TNK2: variants seen among roughly 807,000 people sequenced by gnomAD.
TNK2 encodes the protein activated CDC42 kinase 1.
Under a neutral mutation model 101.8 loss-of-function variants are expected in TNK2, and 83 were observed. The ratio of observed to expected loss-of-function variants is 0.82; its 90% CI spans 0.68 to 0.98. The LOEUF is 0.98. Among genes scored for constraint, TNK2 ranks in the 50% least tolerant of loss-of-function variants. TNK2 has a pLI of 0.00. For synonymous variants in TNK2, 804 were observed against 633.0 expected, an observed-to-expected ratio of 1.27 and a Z score of -4.06; for missense variants, 1,665 against 1,483.2, an observed-to-expected ratio of 1.12 and a Z score of -2.01.
Position 195,867,746 on chromosome 3 carries a change from G to A in TNK2, c.2552C>T (p.Pro851Leu). The A allele has an allele frequency of 6.3e-7, 1 of 1,599,052 alleles. No individual in the cohort carries two copies. Among genetic ancestry groups the A allele is most frequent in the Non-Finnish European group, 8.5e-7 (1 of 1,173,860 alleles). ...GATGCAGGGACCAGCCCGCGGGCCAGGGGCCTGGATCACCTGGGGGGTGGC... is the reference window on the plus strand; with the variant it reads ...GATGCAGGGACCAGCCCGCGGGCCAAGGGCCTGGATCACCTGGGGGGTGGC... ...KYATPQVIQA[P>L]GPRAGPCILP... The change falls in exon 13 of 16, where the codon CCT becomes CTT. Residue 851 changes from proline (P) to leucine (L), a missense_variant. This residue lies in a region of TNK2 where 1,136 missense variants were observed against 894.9 expected (regional missense o/e 1.27). Coordinates refer to ENST00000672887, the MANE Select transcript of TNK2 (RefSeq NM_001382273.1).
chr3:195,902,269 GGTGA>G (rs1462915468), intron 1 of TNK2, among the ~76,000 whole-genome samples: 2 of 152,174 alleles, frequency 1.3e-5, no homozygotes, highest in East Asian at 3.9e-4. Flanking sequence ...TGGAAGAAGA[GGTGA>G]GTGTCAGAAG....
rs573319516 is a variant in TNK2, at chr3:195,880,208, A to AC, written c.888-1034dup. On this transcript the variant is annotated intron_variant, in intron 6 of 15. Coordinates refer to ENST00000672887, the MANE Select transcript of TNK2 (RefSeq NM_001382273.1). Reference sequence around the variant, plus strand: ...CACAGGGGCCAGGGCAGGGCCAAGTACCACCCCTAGTGCACAGGTAAGCAG... The same window carrying AC: ...CACAGGGGCCAGGGCAGGGCCAAGTACCCACCCCTAGTGCACAGGTAAGCAG... Among the ~76,000 whole-genome samples the AC allele has an allele frequency of 8.5e-4, 129 of 152,172 alleles. 1 individual carries two copies. The highest frequency in any genetic ancestry group is 1.7e-3 in the South Asian group (8 of 4,830).
chr3:195,876,646 G>A (rs1749473243), intron 9 of TNK2: 1 of 455,882 alleles, frequency 2.2e-6, no homozygotes, highest in Non-Finnish European at 4.4e-6. Flanking sequence ...GGCAGGTGCT[G>A]TGGTTCCAAG....
chr3:195,889,795 G>A (rs545797401), intron 1 of TNK2, among the ~76,000 whole-genome samples: 16 of 152,348 alleles, frequency 1.1e-4, no homozygotes, highest in South Asian at 2.1e-4. Context: ...CCCTGTCTGC[G>A]TAAGGTGTGT....
intron 9 of TNK2, chr3:195,876,554 C>T (rs1749410053): frequency 6.6e-6 from 3 of 456,692 alleles, no homozygotes; most frequent in Non-Finnish European, 1.3e-5. Flanking sequence ...CCACCGACAC[C>T]CAGGCCCGCT....
intron 9 of TNK2, among the ~76,000 whole-genome samples, chr3:195,872,989 G>A (rs917151559): frequency 3.3e-5 from 5 of 152,156 alleles, no homozygotes; most frequent in African/African-American, 7.2e-5. Flanking sequence ...TAGGCTGGGG[G>A]CCAGGCCTCC....
intron 1 of TNK2, among the ~76,000 whole-genome samples, chr3:195,889,361 A>G (rs1757432011): frequency 6.6e-6 from 1 of 152,214 alleles, no homozygotes. Context: ...AAATCTCACC[A>G]TTAAAGTTTG....
At chr3:195,897,257 T>C (rs1196961625) in intron 1 of TNK2, among the ~76,000 whole-genome samples, 1 of 152,216 alleles carries the variant, frequency 6.6e-6, no homozygotes, top group Non-Finnish European at 1.5e-5. Flanking sequence ...CAGGCAACCC[T>C]GCACCTTCAG....
intron 1 of TNK2, among the ~76,000 whole-genome samples, chr3:195,890,643 T>C (rs1225909144): frequency 6.6e-6 from 1 of 152,140 alleles, no homozygotes; most frequent in Non-Finnish European, 1.5e-5. Context: ...TCCTCCATGT[T>C]GGCCAGGCTG....
chr3:195,892,814 G>A, intron 1 of TNK2: 1 of 993,324 alleles, frequency 1.0e-6, no homozygotes, highest in Non-Finnish European at 1.2e-6. Context: ...CCTCTTGCCT[G>A]CCTCTCTCTC....
At chr3:195,896,112 A>G in intron 1 of TNK2, 1 of 455,652 alleles carries the variant, frequency 2.2e-6, no homozygotes, top group Non-Finnish European at 4.4e-6. Flanking sequence ...GCCGCCCAAC[A>G]CAGGCCCACG....
intron 6 of TNK2, among the ~76,000 whole-genome samples, chr3:195,881,534 A>AC (rs1225160085): frequency 1.0e-3 from 19 of 18,986 alleles, no homozygotes; most frequent in Admixed American, 3.2e-3. Context: ...TCCCTGTAAC[A>AC]CCCCCCCCAG....
chr3:195,881,537 C>A (rs1752895636), intron 6 of TNK2, among the ~76,000 whole-genome samples: 1 of 101,548 alleles, frequency 9.8e-6, no homozygotes, highest in Non-Finnish European at 2.0e-5. Context: ...CTGTAACACC[C>A]CCCCCAGCAA....
chr3:195,904,477 A>G (rs1482978007), intron 1 of TNK2, among the ~76,000 whole-genome samples: 1 of 152,210 alleles, frequency 6.6e-6, no homozygotes, highest in East Asian at 1.9e-4. Context: ...AGGCACCTAC[A>G]GGAGCCAAAT....
chr3:195,867,110 G>A, intron 14 of TNK2, 59 bp downstream of exon 14: 7 of 1,608,400 alleles, frequency 4.4e-6, no homozygotes, highest in Non-Finnish European at 5.1e-6. Context: ...TGGGGCTGGG[G>A]GCAGCAGAAC....
intron 2 of TNK2, among the ~76,000 whole-genome samples, chr3:195,887,958 G>A (rs1419785843): frequency 9.5e-5 from 2 of 20,944 alleles, no homozygotes; most frequent in African/African-American, 5.4e-4. Context: ...GTGCCTGCGT[G>A]TGTGTGTGTG....
At chr3:195,887,525 CTT>C (rs1253010300) in intron 2 of TNK2, among the ~76,000 whole-genome samples, 1 of 152,220 alleles carries the variant, frequency 6.6e-6, no homozygotes, top group African/African-American at 2.4e-5. Flanking sequence ...CAGTGTCTAA[CTT>C]GACACATTAT....
rs369339592 is a variant in TNK2, at chr3:195,888,378, G to A, written c.163+48C>T. 352 of 1,590,320 alleles carry A rather than the reference G, an allele frequency of 2.2e-4. No homozygotes were observed. Among genetic ancestry groups the A allele is most frequent in the Non-Finnish European group, 2.9e-4 (339 of 1,164,578 alleles). ...GCACCGAGTGGTCCTGAGGACAGAGGACGGAAAGGGTCAGGGGCAAGACAA... is the reference window on the plus strand; with the variant it reads ...GCACCGAGTGGTCCTGAGGACAGAGAACGGAAAGGGTCAGGGGCAAGACAA... On this transcript the variant is annotated intron_variant, in intron 2 of 15. Coordinates refer to ENST00000672887, the MANE Select transcript of TNK2 (RefSeq NM_001382273.1). The surrounding 1 kb of genome is among the most constrained non-coding windows in gnomAD (Gnocchi z 5.3).
intron 1 of TNK2, among the ~76,000 whole-genome samples, chr3:195,901,696 T>G (rs1761224561): frequency 6.6e-6 from 1 of 152,164 alleles, no homozygotes; most frequent in Non-Finnish European, 1.5e-5. Context: ...ACTGAGAGTG[T>G]ACCTTCACTG....
Sources: allele counts gnomAD v4.1 joint callset (sites outside exome capture counted in the v4.1 genomes callset), GRCh38; gene constraint gnomAD v4.1.1; regional missense constraint gnomAD v4.1.1; non-coding constraint Gnocchi (gnomAD v3.1); transcripts MANE v1.5; gene names NCBI Gene and HGNC (gene_info 2026-07-23, HGNC 2026-07-21).